The following PLEKHG1 variants were observed in gnomAD, a reference collection of about 807,000 sequenced individuals.
PLEKHG1 encodes pleckstrin homology and RhoGEF domain containing G1.
In PLEKHG1, 44 loss-of-function variants were observed where a neutral mutation model predicts 100.8. The ratio of observed to expected loss-of-function variants is 0.44; its 90% confidence interval spans 0.34 to 0.56. The LOEUF (loss-of-function observed/expected upper bound fraction) is 0.56. Ranked by LOEUF, PLEKHG1 falls within the 20% of genes least tolerant of loss-of-function variation. PLEKHG1 has a pLI of 0.01. For missense variants in PLEKHG1, 1,545 were observed against 1,720.9 expected (o/e 0.90, Z 1.81); for synonymous variants, 640 against 662.5 (o/e 0.97, Z 0.52).
chr6:150,602,893 A>G (rs1187335976), intron 1 of PLEKHG1, among the ~76,000 whole-genome samples: 1 of 152,198 alleles, frequency 6.6e-6, no homozygotes, highest in Non-Finnish European at 1.5e-5. Context: ...CATCCTGGCT[A>G]ACACGGTGAA....
At chr6:150,769,719 A>T (rs560830438) in intron 3 of PLEKHG1, among the ~76,000 whole-genome samples, 5 of 152,268 alleles carry the variant, frequency 3.3e-5, no homozygotes, top group African/African-American at 1.2e-4. Flanking sequence ...TGTTGAGTGA[A>T]TCTTTAAATG....
intron 3 of PLEKHG1, 60 bp from the exon 5 acceptor site, chr6:150,786,330 A>G (rs985095499): frequency 1.8e-6 from 2 of 1,094,760 alleles, no homozygotes; most frequent in African/African-American, 1.6e-5. Flanking sequence ...TAAATTATAC[A>G]AAATGTACTC....
At chr6:150,623,041 G>A (rs1315466639) in intron 1 of PLEKHG1, among the ~76,000 whole-genome samples, 1 of 151,194 alleles carries the variant, frequency 6.6e-6, no homozygotes, top group Non-Finnish European at 1.5e-5. Context: ...TTTCTCTGTA[G>A]GAAATGAGCG....
chr6:150,659,856 G>A (rs892859952), intron 3 of PLEKHG1, among the ~76,000 whole-genome samples: 3 of 152,136 alleles, frequency 2.0e-5, no homozygotes, highest in African/African-American at 7.2e-5. Context: ...CTGCTCTAAC[G>A]GACTAAAGTA....
rs36106888 is a variant in PLEKHG1 at position 150,813,304 on chromosome 6, C to CAAA, written c.1278+3583_1278+3585dup. Among the ~76,000 whole-genome samples, 94 of 122,360 alleles carry CAAA rather than the reference C, an allele frequency of 7.7e-4. 3 individuals carry two copies. The highest frequency in any genetic ancestry group is 2.2e-3 in the African/African-American group (71 of 32,640). 80.3% of individuals were successfully genotyped at this position (122,360 alleles called of 152,430 possible). A position where few individuals can be genotyped will look rare whatever the true frequency, so the allele number is the denominator to read the frequency against. Reference sequence around the variant, plus strand: ...TGGGCGACAGAGTGAGACTCTGTCTCAAAAAAAAAAAAAAACAAAATGGAC... The same window carrying CAAA: ...TGGGCGACAGAGTGAGACTCTGTCTCAAAAAAAAAAAAAAAAAACAAAATGGAC... On this transcript the variant is annotated intron_variant, in intron 10 of 15. Transcript: ENST00000358517.
chr6:150,833,062 A>G (rs1362733175), intron 15 of PLEKHG1, among the ~76,000 whole-genome samples: 8 of 109,196 alleles, frequency 7.3e-5, no homozygotes, highest in Admixed American at 2.9e-4. Flanking sequence ...TTTTTTTTTG[A>G]GATAGGGTCT....
At chr6:150,841,075 A>G in exon 16 of PLEKHG1, 1 of 700,126 alleles carries the variant, frequency 1.4e-6, no homozygotes, top group Non-Finnish European at 2.6e-6. Flanking sequence ...CCCGGATTGT[A>G]CTGTAGCACA....
rs78237784 is a variant in PLEKHG1, at chr6:150,738,718, G to A, written c.411+4626G>A. On this transcript the variant is annotated intron_variant, in intron 2 of 15. Coordinates refer to ENST00000358517, the Ensembl canonical transcript of PLEKHG1. ...CTCAACCCCTGTCCCCTCCCCAGCCGTGGCTCTTCCGTCCTCTGCTCCTAG... is the reference window on the plus strand; with the variant it reads ...CTCAACCCCTGTCCCCTCCCCAGCCATGGCTCTTCCGTCCTCTGCTCCTAG... Among the ~76,000 whole-genome samples, 1,091 of 152,062 alleles carry A rather than the reference G, an allele frequency of 7.2e-3. 14 individuals carry two copies. Among genetic ancestry groups the A allele is most frequent in the African/African-American group, 0.025 (1,035 of 41,448 alleles).
chr6:150,647,325 A>T (rs985248070), intron 2 of PLEKHG1, among the ~76,000 whole-genome samples: 4 of 152,198 alleles, frequency 2.6e-5, no homozygotes, highest in Non-Finnish European at 4.4e-5. Flanking sequence ...TTCTGGAATA[A>T]TACAGTTGAT....
chr6:150,671,824 G>A (rs940386481), intron 3 of PLEKHG1, among the ~76,000 whole-genome samples: 1 of 152,206 alleles, frequency 6.6e-6, no homozygotes, highest in African/African-American at 2.4e-5. Flanking sequence ...TGGAGGCAGT[G>A]AGCAGTGGGG....
In PLEKHG1 at chr6:150,833,800, C is replaced by T. The variant is rs1384854217; in HGVS notation, c.3094+1595C>T. 2.0e-5 allele frequency among the ~76,000 whole-genome samples: 3 copies of T among 152,256 alleles called. No homozygotes were observed. In the East Asian group the frequency reaches 5.8e-4, roughly 29 times the overall value. ...TATCAAATGAGAGGAGTCTATTCTA[C>T]AATTAAAAGTGAAAGCTGGGTGATG... On this transcript the variant is annotated intron_variant, in intron 15 of 15. Coordinates refer to ENST00000358517, the Ensembl canonical transcript of PLEKHG1.
intron 7 of PLEKHG1, among the ~76,000 whole-genome samples, chr6:150,808,329 T>A (rs1787266406): frequency 6.6e-6 from 1 of 152,128 alleles, no homozygotes; most frequent in African/African-American, 2.4e-5. Flanking sequence ...ATGATGTGGG[T>A]GATTTTATAT....
At chr6:150,601,644 G>A (rs897751866) in intron 1 of PLEKHG1, among the ~76,000 whole-genome samples, 1 of 152,162 alleles carries the variant, frequency 6.6e-6, no homozygotes, top group Non-Finnish European at 1.5e-5. Flanking sequence ...TTTCTTCAGA[G>A]TGCTCCCACC....
At chr6:150,688,722 A>G (rs1414712466) in intron 3 of PLEKHG1, among the ~76,000 whole-genome samples, 1 of 152,196 alleles carries the variant, frequency 6.6e-6, no homozygotes, top group Non-Finnish European at 1.5e-5. Context: ...GCAAGGTAAC[A>G]AAGTAAAAAC....
exon 7 of PLEKHG1, chr6:150,804,640 G>C (rs1786940995): frequency 1.2e-6 from 2 of 1,610,388 alleles, no homozygotes; most frequent in African/African-American, 2.7e-5. Flanking sequence ...TAAGGACACA[G>C]AAGGCTATGA....
Position 150,683,031 on chromosome 6 carries a change from T to C in PLEKHG1, c.-99+32245T>C, listed in dbSNP as rs1404768185. 6.6e-6 allele frequency among the ~76,000 whole-genome samples: 1 copy of C among 152,342 alleles called. No homozygotes were observed. The highest frequency in any genetic ancestry group is 2.4e-5 in the African/African-American group (1 of 41,578). On this transcript the variant is annotated intron_variant, in intron 3 of 3. Transcript: ENST00000367326. This position sits in a 1 kb window ranked among gnomAD's most constrained non-coding sequence, Gnocchi z 4.0. ...GTCATACTTAATGCTGATGGCTTCG[T>C]GCGCATCTTAACAGTTGACAACTAC...
chr6:150,619,743 A>C (rs1484059811), intron 1 of PLEKHG1, among the ~76,000 whole-genome samples: 5 of 152,192 alleles, frequency 3.3e-5, no homozygotes, highest in African/African-American at 1.2e-4. Context: ...TCATAAAAGA[A>C]AAAAGGTTCT....
intron 3 of PLEKHG1, among the ~76,000 whole-genome samples, chr6:150,656,380 G>A (rs574569865): frequency 6.6e-6 from 1 of 152,314 alleles, no homozygotes; most frequent in Admixed American, 6.5e-5. Flanking sequence ...GAGCCTCTTG[G>A]ACAGTCTGTC....
At chr6:150,663,073 C>T (rs775053248) in intron 3 of PLEKHG1, 4 of 150,822 alleles carry the variant, frequency 2.7e-5, no homozygotes, top group Non-Finnish European at 5.9e-5. Flanking sequence ...ATATTGAACA[C>T]GTTATTTTTC....
Sources: gnomAD v4.1 joint callset for allele counts (sites outside exome capture counted in the v4.1 genomes callset) on GRCh38, gnomAD v4.1.1 for gene constraint, Gnocchi (gnomAD v3.1) non-coding constraint, MANE v1.5 for transcripts, NCBI Gene and HGNC (gene_info 2026-07-23, HGNC 2026-07-21) for gene names.